The following ANO1 variants were observed in gnomAD, a reference collection of about 807,000 sequenced individuals.
ANO1 encodes the protein anoctamin 1, also known as anoctamin-1.
In ANO1, 59 loss-of-function variants were observed where a neutral mutation model predicts 124.0. That is an observed-to-expected ratio of 0.48 (90% confidence interval 0.39 to 0.59). ANO1 has a LOEUF of 0.59. ANO1 is among the 20% of genes least tolerant of loss of function. ANO1 has a pLI of 0.00. For missense variants in ANO1, 1,059 were observed against 1,328.0 expected (o/e 0.80, Z 3.15); for synonymous variants, 529 against 532.0 (o/e 0.99, Z 0.08).
At chr11:70,033,515 C>A (rs949954368) in intron 1 of ANO1, among the ~76,000 whole-genome samples, 12 of 152,194 alleles carry the variant, frequency 7.9e-5, no homozygotes, top group Non-Finnish European at 1.6e-4. Flanking sequence ...GCTTCTGTGT[C>A]CCCTCCAGCC....
At chr11:70,098,108 G>A (rs2045088426) in intron 2 of ANO1, among the ~76,000 whole-genome samples, 2 of 152,256 alleles carry the variant, frequency 1.3e-5, no homozygotes, top group African/African-American at 2.4e-5. Context: ...TCCGACGGCA[G>A]GAGGATTAGA....
At chr11:70,105,328 G>A (rs1352372258) in intron 4 of ANO1, among the ~76,000 whole-genome samples, 1 of 152,216 alleles carries the variant, frequency 6.6e-6, no homozygotes, top group Non-Finnish European at 1.5e-5. Flanking sequence ...CAGGGAGATT[G>A]TTTTCAAGGT....
In ANO1 at chr11:70,115,304, C is replaced by G. The variant is rs187924310; in HGVS notation, c.856-1154C>G. 2.9e-4 allele frequency among the ~76,000 whole-genome samples: 44 copies of G among 152,236 alleles called. 1 individual carries two copies. Among genetic ancestry groups the G allele is most frequent in the African/African-American group, 1.1e-3 (44 of 41,548 alleles). On this transcript the variant is annotated intron_variant, in intron 7 of 25. Coordinates refer to ENST00000355303, the MANE Select transcript of ANO1 (RefSeq NM_018043.7). Reference sequence around the variant, plus strand: ...CCAGGAGCCCCATAGCTTTGTCTGCCTGGATATTCTTAAAACCCATTGGCC... The same window carrying G: ...CCAGGAGCCCCATAGCTTTGTCTGCGTGGATATTCTTAAAACCCATTGGCC...
intron 2 of ANO1, among the ~76,000 whole-genome samples, chr11:70,100,334 C>T (rs2045217264): frequency 6.6e-6 from 1 of 152,240 alleles, no homozygotes; most frequent in South Asian, 2.1e-4. Flanking sequence ...TGAAGTTAAA[C>T]ATCTCTGGAT....
chr11:69,981,507 G>A (rs369297371), upstream of ANO1, among the ~76,000 whole-genome samples: 182 of 152,350 alleles, frequency 1.2e-3, no homozygotes, highest in Middle Eastern at 0.014. Context: ...TGCCTCTTCT[G>A]TCCAAGGGCC....
chr11:70,111,991 G>T (rs550800627), intron 7 of ANO1, among the ~76,000 whole-genome samples: 2 of 150,856 alleles, frequency 1.3e-5, no homozygotes, highest in South Asian at 4.2e-4. Context: ...CGGGGGCACG[G>T]GTGGCAGCTG....
At chr11:70,139,427 G>A (rs1409261600) in intron 11 of ANO1, among the ~76,000 whole-genome samples, 4 of 152,128 alleles carry the variant, frequency 2.6e-5, no homozygotes, top group African/African-American at 7.2e-5. Context: ...ATGTTCAAGC[G>A]ATTCTCCTGC....
chr11:70,018,682 G>A (rs528215671), intron 1 of ANO1, among the ~76,000 whole-genome samples: 45 of 152,210 alleles, frequency 3.0e-4, no homozygotes, highest in Non-Finnish European at 5.7e-4. Context: ...CTGAGGACCA[G>A]GGCATGACTG....
chr11:70,133,423 T>G (rs2046837308), intron 11 of ANO1, among the ~76,000 whole-genome samples: 1 of 151,994 alleles, frequency 6.6e-6, no homozygotes, highest in Admixed American at 6.5e-5. Context: ...GAGCAGCTGC[T>G]CGGGGGAGGC....
chr11:70,129,837 G>C (rs2046674210), intron 10 of ANO1: 1 of 152,186 alleles, frequency 6.6e-6, no homozygotes, highest in Non-Finnish European at 1.5e-5. Context: ...TGGCCAGGCT[G>C]GTCTCAAACT....
intron 2 of ANO1, among the ~76,000 whole-genome samples, chr11:70,089,868 G>T (rs2044550752): frequency 6.6e-6 from 1 of 152,238 alleles, no homozygotes; most frequent in African/African-American, 2.4e-5. Flanking sequence ...TGTCAACTTA[G>T]AACTGGAGGA....
intron 1 of ANO1, among the ~76,000 whole-genome samples, chr11:70,000,246 A>T (rs2120351422): frequency 6.6e-6 from 1 of 152,082 alleles, no homozygotes; most frequent in East Asian, 1.9e-4. Flanking sequence ...TGTTTGAGGC[A>T]CTCACAGAGG....
At chr11:70,140,479 C>G (rs1204625499) in intron 11 of ANO1, among the ~76,000 whole-genome samples, 2 of 151,378 alleles carry the variant, frequency 1.3e-5, no homozygotes, top group African/African-American at 4.9e-5. Flanking sequence ...TGCAGTGAGC[C>G]GAGATCATAC....
chr11:70,161,299 C>G lies in ANO1; in HGVS notation c.1717C>G (p.Leu573Val). The G allele has an allele frequency of 6.2e-7, 1 of 1,613,896 alleles. No individual in the cohort carries two copies. The highest frequency in any genetic ancestry group is 1.1e-5 in the South Asian group (1 of 91,074). ...CACAGCCACCGCAGTCATCATCAAC[C>G]TAGTGGTCATCATCCTCCTGGACGA... is the stretch of plus-strand genomic sequence containing the variant. ...TVTATAVIIN[L>V]VVIILLDEVY... Residue 573 changes from leucine (L) to valine (V), a missense_variant, in exon 17 of 26, where the codon CTA (leucine) becomes GTA (valine). Transcript: ENST00000355303.
intron 1 of ANO1, among the ~76,000 whole-genome samples, chr11:70,069,567 G>A (rs1857817666): frequency 6.6e-6 from 1 of 152,120 alleles, no homozygotes; most frequent in South Asian, 2.1e-4. Flanking sequence ...CAGAAAGCCT[G>A]ATTTCAGACG....
At position 70,045,444 on chromosome 11, in the gene ANO1, C is replaced by A. The variant is rs150257135; in HGVS notation, c.59-33098C>A. Reference sequence around the variant, plus strand: ...AGAAAGAAAACAAATCTGAAGAATACGTTTTCTTGAGAGAAAAAATATCAT... The same window carrying A: ...AGAAAGAAAACAAATCTGAAGAATAAGTTTTCTTGAGAGAAAAAATATCAT... On this transcript the variant is annotated intron_variant, in intron 1 of 27. Coordinates refer to the ANO1 transcript ENST00000531349. 4.2e-3 allele frequency among the ~76,000 whole-genome samples: 632 copies of A among 152,232 alleles called. 1 individual carries two copies. Among genetic ancestry groups the A allele is most frequent in the African/African-American group, 0.015 (611 of 41,530 alleles).
At chr11:70,053,172 T>C (rs551459920) in intron 1 of ANO1, among the ~76,000 whole-genome samples, 1 of 152,352 alleles carries the variant, frequency 6.6e-6, no homozygotes, top group South Asian at 2.1e-4. Context: ...ATTTACTTTT[T>C]AATTCCAATA....
chr11:69,985,222 T>A (rs1390753374), upstream of ANO1, among the ~76,000 whole-genome samples: 6 of 152,128 alleles, frequency 3.9e-5, no homozygotes, highest in Non-Finnish European at 8.8e-5. Flanking sequence ...CCAGTCCTCT[T>A]AGCCGCAGTT....
At chr11:69,972,501 C>G in the ANO1 span, among the ~76,000 whole-genome samples, 60 of 152,248 alleles carry the variant, frequency 3.9e-4, no homozygotes, top group East Asian at 5.8e-4. Flanking sequence ...CTGCTGTGTA[C>G]GTATTTCCTT....
Sources: gnomAD v4.1 joint callset for allele counts (sites outside exome capture counted in the v4.1 genomes callset) on GRCh38, gnomAD v4.1.1 for gene constraint, MANE v1.5 for transcripts, NCBI Gene and HGNC (gene_info 2026-07-23, HGNC 2026-07-21) for gene names.